HTR4: variants seen among roughly 807,000 people sequenced by gnomAD.
HTR4 encodes the protein 5-hydroxytryptamine (serotonin) receptor 4, G protein-coupled.
HTR4 carries 16 observed loss-of-function variants against 36.8 expected under a neutral mutation model. That is an observed-to-expected ratio of 0.43 (90% CI 0.29 to 0.66). HTR4 has a LOEUF of 0.66. Ranked by LOEUF, HTR4 falls within the 30% of genes least tolerant of loss-of-function variation. The probability of loss-of-function intolerance (pLI) is 0.13; values close to 1 mark genes in which losing one functional copy is unlikely to be tolerated. For synonymous variants in HTR4, 189 were observed against 185.1 expected (o/e 1.02, Z -0.17); for missense variants, 438 against 490.9 (o/e 0.89, Z 1.02).
chr5:148,554,900 A>G (rs1319513908), intron 2 of HTR4, among the ~76,000 whole-genome samples: 1 of 152,080 alleles, frequency 6.6e-6, no homozygotes, highest in Non-Finnish European at 1.5e-5. Flanking sequence ...AACATGCTGA[A>G]TTTGATTTTC....
chr5:148,491,325 T>A (rs77186606), intron 6 of HTR4, among the ~76,000 whole-genome samples: 6 of 151,808 alleles, frequency 4.0e-5, no homozygotes, highest in African/African-American at 1.2e-4. Flanking sequence ...GCTATATATT[T>A]TTTTTTTTTT....
chr5:148,544,032 G>A (rs1759246712), intron 4 of HTR4, among the ~76,000 whole-genome samples: 1 of 152,134 alleles, frequency 6.6e-6, no homozygotes, highest in East Asian at 1.9e-4. Flanking sequence ...GGCTATTGTG[G>A]ATGGACTTGC....
intron 3 of HTR4, 137 bp downstream of exon 3, chr5:148,550,000 C>CCCTTTTT: frequency 1.1e-6 from 1 of 870,870 alleles, no homozygotes. Flanking sequence ...TTTTTCTCCC[C>CCCTTTTT]TTTTATTTTT....
At chr5:148,505,035 T>C (rs1032849614) in intron 6 of HTR4, among the ~76,000 whole-genome samples, 1 of 152,180 alleles carries the variant, frequency 6.6e-6, no homozygotes, top group Non-Finnish European at 1.5e-5. Flanking sequence ...CAGGATCAGA[T>C]GGATTCACAG....
At chr5:148,627,753 T>G (rs1753172108) in intron 2 of HTR4, among the ~76,000 whole-genome samples, 1 of 152,258 alleles carries the variant, frequency 6.6e-6, no homozygotes. Context: ...AGCAGATATT[T>G]ATTTAGAAAT....
intron 2 of HTR4, among the ~76,000 whole-genome samples, chr5:148,578,589 G>A (rs552324061): frequency 9.9e-5 from 15 of 152,118 alleles, no homozygotes; most frequent in African/African-American, 3.1e-4. Flanking sequence ...TTCTTTTTGA[G>A]GCAGACGGTA....
At chr5:148,577,748 A>G (rs1043499653) in intron 2 of HTR4, among the ~76,000 whole-genome samples, 5 of 152,128 alleles carry the variant, frequency 3.3e-5, no homozygotes, top group African/African-American at 9.7e-5. Flanking sequence ...GTTCTTACTT[A>G]CAAGTGAGAG....
chr5:148,619,126 T>C (rs1243719662), intron 2 of HTR4, among the ~76,000 whole-genome samples: 2 of 151,450 alleles, frequency 1.3e-5, no homozygotes, highest in Non-Finnish European at 2.9e-5. Flanking sequence ...GAATAAGGAG[T>C]TTTGATCTTG....
chr5:148,606,067 T>A (rs941084601), intron 2 of HTR4, among the ~76,000 whole-genome samples: 1 of 152,176 alleles, frequency 6.6e-6, no homozygotes, highest in Non-Finnish European at 1.5e-5. Flanking sequence ...TATGGAATTT[T>A]AAAAAATATT....
At chr5:148,493,028 C>T (rs11957477) in intron 6 of HTR4, among the ~76,000 whole-genome samples, 1 of 152,236 alleles carries the variant, frequency 6.6e-6, no homozygotes, top group Non-Finnish European at 1.5e-5. Context: ...GCTTAGGCCA[C>T]CCGATTAACA....
intron 5 of HTR4, chr5:148,451,375 TTCTG>T (rs1157339405): frequency 1.3e-6 from 2 of 1,572,986 alleles, no homozygotes; most frequent in Admixed American, 1.7e-5. Flanking sequence ...CTTTGCATAC[TTCTG>T]AGGGTATGGT....
At chr5:148,493,918 A>G (rs1449671992) in intron 6 of HTR4, among the ~76,000 whole-genome samples, 1 of 152,226 alleles carries the variant, frequency 6.6e-6, no homozygotes, top group Non-Finnish European at 1.5e-5. Flanking sequence ...TCTAAAGTTC[A>G]AGGTAAAGGC....
intron 2 of HTR4, among the ~76,000 whole-genome samples, chr5:148,564,782 T>G (rs1212029337): frequency 2.0e-5 from 3 of 152,192 alleles, no homozygotes; most frequent in African/African-American, 7.2e-5. Flanking sequence ...AAGTCTATTT[T>G]CTAGTCATGT....
At chr5:148,511,124 G>T (rs142031814) in intron 5 of HTR4, among the ~76,000 whole-genome samples, 5 of 151,948 alleles carry the variant, frequency 3.3e-5, no homozygotes, top group Admixed American at 2.0e-4. Context: ...TTTTAAATGA[G>T]CCATCTACAC....
At chr5:148,597,242 C>T (rs1474760794) in intron 2 of HTR4, among the ~76,000 whole-genome samples, 1 of 152,136 alleles carries the variant, frequency 6.6e-6, no homozygotes, top group African/African-American at 2.4e-5. Context: ...ACTACATGAA[C>T]CTCTTATGTA....
At chr5:148,484,625 C>G (rs528224995) in intron 6 of HTR4, among the ~76,000 whole-genome samples, 9 of 152,190 alleles carry the variant, frequency 5.9e-5, no homozygotes, top group Non-Finnish European at 1.0e-4. Flanking sequence ...GAGTTAAATG[C>G]TTTCCATCAA....
chr5:148,614,439 C>G (rs893510033), intron 2 of HTR4, among the ~76,000 whole-genome samples: 5 of 152,142 alleles, frequency 3.3e-5, no homozygotes, highest in African/African-American at 1.2e-4. Flanking sequence ...GGAAGGATTC[C>G]CTATTTAATA....
chr5:148,515,097 C>G (rs72832054), intron 5 of HTR4, among the ~76,000 whole-genome samples: 2 of 151,958 alleles, frequency 1.3e-5, no homozygotes, highest in Non-Finnish European at 2.9e-5. Context: ...TTTCTTGGTT[C>G]CTTGTTTCCA....
intron 6 of HTR4, chr5:148,490,822 C>A: frequency 1.4e-6 from 1 of 690,000 alleles, no homozygotes; most frequent in Non-Finnish European, 2.3e-6. Context: ...CAGAAGAAGT[C>A]GAATTCCTGT....
Sources: gnomAD v4.1 joint callset for allele counts (sites outside exome capture counted in the v4.1 genomes callset) on GRCh38, gnomAD v4.1.1 for gene constraint, MANE v1.5 for transcripts, NCBI Gene and HGNC (gene_info 2026-07-23, HGNC 2026-07-21) for gene names.